Variants in C1GALT1 observed in about 807,000 individuals in gnomAD.
C1GALT1 encodes the protein core 1 synthase, glycoprotein-N-acetylgalactosamine 3-beta-galactosyltransferase 1.
A neutral mutation model predicts 31.0 loss-of-function variants in C1GALT1; 11 were observed. That is an observed-to-expected ratio of 0.36 (90% CI 0.22 to 0.59). C1GALT1 has a LOEUF of 0.59. Among genes scored for constraint, C1GALT1 ranks in the 20% least tolerant of loss-of-function variants. The pLI is 0.79. For missense variants in C1GALT1, 424 were observed against 425.2 expected, an observed-to-expected ratio of 1.00 and a Z score of 0.03; for synonymous variants, 175 against 143.6, an observed-to-expected ratio of 1.22 and a Z score of -1.56.
intron 1 of C1GALT1, among the ~76,000 whole-genome samples, chr7:7,202,621 C>T (rs571933874): frequency 6.6e-6 from 1 of 152,180 alleles, no homozygotes; most frequent in African/African-American, 2.4e-5. Flanking sequence ...TTTTTATTAA[C>T]GTAGCTTTGT....
At chr7:7,181,589 A>G (rs1219806525), upstream of C1GALT1, among the ~76,000 whole-genome samples, 6 of 152,240 alleles carry the variant, frequency 3.9e-5, no homozygotes, top group Admixed American at 3.9e-4. Context: ...AAAAATAACA[A>G]TAACTAATGT....
At chr7:7,183,334 C>T (rs935711922) in intron 1 of C1GALT1, among the ~76,000 whole-genome samples, 13 of 152,070 alleles carry the variant, frequency 8.5e-5, no homozygotes, top group African/African-American at 2.2e-4. Context: ...GCCTGAGCGC[C>T]CAGCGAGCGG....
chr7:7,172,026 T>C (rs1219600235), intron 2 of C1GALT1, among the ~76,000 whole-genome samples: 2 of 152,184 alleles, frequency 1.3e-5, no homozygotes, highest in South Asian at 2.1e-4. Flanking sequence ...CTTGTTCTTA[T>C]ATTTGCCCTA....
intron 1 of C1GALT1, among the ~76,000 whole-genome samples, chr7:7,233,391 A>G (rs1356255780): frequency 6.6e-6 from 1 of 151,946 alleles, no homozygotes; most frequent in African/African-American, 2.4e-5. Context: ...ATTCTTACCA[A>G]TTCTTCCCAA....
intron 1 of C1GALT1, among the ~76,000 whole-genome samples, chr7:7,213,248 C>G (rs1033013269): frequency 6.6e-6 from 1 of 152,094 alleles, no homozygotes; most frequent in Admixed American, 6.5e-5. Context: ...TGAGAAGGAA[C>G]AAAGCAAGAC....
chr7:7,225,709 C>T (rs1782728195), intron 1 of C1GALT1, among the ~76,000 whole-genome samples: 1 of 152,138 alleles, frequency 6.6e-6, no homozygotes, highest in African/African-American at 2.4e-5. Flanking sequence ...TAGTCTGAAA[C>T]CAGTTCCAAT....
In C1GALT1 at chr7:7,202,355, A is replaced by G. The variant is rs560770661; in HGVS notation, c.-18+19535A>G. 5.9e-5 allele frequency among the ~76,000 whole-genome samples: 9 copies of G among 152,254 alleles called. No homozygotes were observed. The South Asian group carries it at 1.7e-3, about 28-fold the overall frequency. ...TCTGAGTGGGAGCTCCAAGTTAGTT[A>G]TGCGCCCTGTCTGCCATTATTTTCC... On this transcript the variant is annotated intron_variant, in intron 1 of 3. Coordinates refer to ENST00000436587, the MANE Select transcript of C1GALT1 (RefSeq NM_020156.5).
At chr7:7,228,932 G>A (rs1416866182) in intron 1 of C1GALT1, among the ~76,000 whole-genome samples, 1 of 152,148 alleles carries the variant, frequency 6.6e-6, no homozygotes, top group African/African-American at 2.4e-5. Context: ...AACTGTTTTT[G>A]TGTTATAGAA....
intron 1 of C1GALT1, among the ~76,000 whole-genome samples, chr7:7,214,005 G>A (rs1782123180): frequency 6.6e-6 from 1 of 152,182 alleles, no homozygotes; most frequent in Non-Finnish European, 1.5e-5. Flanking sequence ...TCCCAGTGGG[G>A]GGTAGGGATG....
At chr7:7,240,949 A>AT (rs1167896035) in intron 3 of C1GALT1, among the ~76,000 whole-genome samples, 3 of 152,074 alleles carry the variant, frequency 2.0e-5, no homozygotes, top group African/African-American at 7.2e-5. Context: ...AGATATTCTA[A>AT]TTCATGAAAG....
At chr7:7,196,360 A>G (rs1018523400) in intron 1 of C1GALT1, among the ~76,000 whole-genome samples, 3 of 152,088 alleles carry the variant, frequency 2.0e-5, no homozygotes, top group Admixed American at 6.6e-5. Flanking sequence ...GATGGTTTCC[A>G]GCTTCTTCCA....
chr7:7,158,632 C>T (rs1780300207), intron 2 of C1GALT1, among the ~76,000 whole-genome samples: 1 of 150,540 alleles, frequency 6.6e-6, no homozygotes, highest in Non-Finnish European at 1.5e-5. Context: ...GGTATATACA[C>T]ATGTATCTAT....
intron 1 of C1GALT1, among the ~76,000 whole-genome samples, chr7:7,215,981 C>CT (rs994345314): frequency 9.1e-4 from 135 of 149,080 alleles, no homozygotes; most frequent in African/African-American, 3.0e-3. Context: ...CTGAAAGTTA[C>CT]TTTTTTTTTT....
intron 1 of C1GALT1, among the ~76,000 whole-genome samples, chr7:7,200,238 G>C (rs1781478176): frequency 6.6e-6 from 1 of 152,100 alleles, no homozygotes; most frequent in Non-Finnish European, 1.5e-5. Context: ...CAGGCCTGGT[G>C]GTGACAAAAT....
intron 1 of C1GALT1, among the ~76,000 whole-genome samples, chr7:7,194,139 C>G (rs947872196): frequency 1.3e-5 from 2 of 152,054 alleles, no homozygotes; most frequent in African/African-American, 4.8e-5. Context: ...GTTCGACTTC[C>G]TCTTTACTGA....
chr7:7,240,624 C>G (rs1335859159), intron 3 of C1GALT1, among the ~76,000 whole-genome samples: 1 of 152,056 alleles, frequency 6.6e-6, no homozygotes, highest in Admixed American at 6.6e-5. Flanking sequence ...GTTGGATACA[C>G]ATACAGTAGT....
intron 1 of C1GALT1, among the ~76,000 whole-genome samples, chr7:7,217,645 T>C (rs922648544): frequency 1.4e-4 from 22 of 152,230 alleles, no homozygotes; most frequent in Admixed American, 1.4e-3. Context: ...AGGCATGATT[T>C]GAAATACAAC....
At position 7,243,870 on chromosome 7, in the gene C1GALT1, T is replaced by G; in HGVS notation, c.*143T>G. The G allele has an allele frequency of 1.7e-6, 1 of 586,648 alleles. No homozygotes were observed. The highest frequency in any genetic ancestry group is 2.9e-6 in the Non-Finnish European group (1 of 347,190). 36.3% of individuals were successfully genotyped at this position (586,648 alleles called of 1,614,324 possible). On this transcript the variant is annotated 3_prime_UTR_variant, in exon 4 of 4. Transcript: ENST00000436587. ...TAGAAACCTTTCACATGAATGACTA[T>G]AAACTGAAGCTTTAAATGAGCTGTG...
At chr7:7,224,212 T>C (rs1782645736) in intron 1 of C1GALT1, among the ~76,000 whole-genome samples, 1 of 152,048 alleles carries the variant, frequency 6.6e-6, no homozygotes, top group Non-Finnish European at 1.5e-5. Context: ...ATTCATACTT[T>C]TAAGTATTTT....
Sources: allele counts gnomAD v4.1 joint callset (sites outside exome capture counted in the v4.1 genomes callset), GRCh38; gene constraint gnomAD v4.1.1; transcripts MANE v1.5; gene names NCBI Gene and HGNC (gene_info 2026-07-23, HGNC 2026-07-21).